Variants in DAPK2 observed in about 807,000 individuals in gnomAD.
DAPK2 encodes the protein death associated protein kinase 2.
Under a neutral mutation model 44.1 loss-of-function variants are expected in DAPK2, and 35 were observed. That is an observed-to-expected ratio of 0.79 (90% CI 0.61 to 1.05). The LOEUF (loss-of-function observed/expected upper bound fraction) is 1.05, where lower values mean the gene tolerates loss of function less well. Ranked by LOEUF, DAPK2 falls within the 50% of genes least tolerant of loss-of-function variation. The pLI is 0.00. For missense variants in DAPK2, 453 were observed against 483.2 expected, an observed-to-expected ratio of 0.94 and a Z score of 0.59; for synonymous variants, 174 against 182.6, an observed-to-expected ratio of 0.95 and a Z score of 0.38.
intron 1 of DAPK2, among the ~76,000 whole-genome samples, chr15:63,993,780 A>G (rs1414786000): frequency 1.3e-5 from 2 of 152,062 alleles, no homozygotes; most frequent in East Asian, 3.9e-4. Context: ...GAAGGATTGG[A>G]CCAAGATATC....
Position 64,040,234 on chromosome 15 carries a change from T to C in DAPK2, c.28A>G (p.Asn10Asp), listed in dbSNP as rs753893356. ...TTCTGCTGCTTGAATGGCTCCATGT[T>C]TGGACTCCTCATTGAGGCCTGGAAC... The change falls in exon 1 of 11, where the codon AAC (asparagine) becomes GAC (aspartate). Residue 10 changes from asparagine to aspartate, a missense_variant. Asn to Asp is a conservative substitution (Grantham distance 23). Coordinates refer to ENST00000261891, the Ensembl canonical transcript of DAPK2. 4 of 1,614,034 alleles carry C rather than the reference T, an allele frequency of 2.5e-6. No individual in the cohort carries two copies. In the South Asian group the frequency reaches 4.4e-5, roughly 18 times the overall value.
chr15:63,930,162 C>G (rs1400999074), intron 5 of DAPK2, among the ~76,000 whole-genome samples: 1 of 152,222 alleles, frequency 6.6e-6, no homozygotes, highest in Non-Finnish European at 1.5e-5. Context: ...TGCCTCTCCT[C>G]TTGCTCCTCC....
chr15:63,964,925 C>G (rs1184429880), intron 3 of DAPK2, among the ~76,000 whole-genome samples: 2 of 152,154 alleles, frequency 1.3e-5, no homozygotes, highest in Non-Finnish European at 2.9e-5. Context: ...TCACATGTCT[C>G]TGTCTCTCCA....
intron 1 of DAPK2, among the ~76,000 whole-genome samples, chr15:64,034,819 G>C (rs893546937): frequency 1.2e-4 from 18 of 152,170 alleles, no homozygotes; most frequent in Admixed American, 1.0e-3. Flanking sequence ...TTAAATTTTT[G>C]TTGAAATCCA....
At position 63,987,289 on chromosome 15, in the gene DAPK2, G is replaced by C. The variant is rs185708031; in HGVS notation, c.93-3535C>G. 1.6e-3 allele frequency among the ~76,000 whole-genome samples: 250 copies of C among 152,298 alleles called. 1 individual carries two copies. The highest frequency in any genetic ancestry group is 5.9e-3 in the African/African-American group (244 of 41,548). ...CTGCACACAGAAGGCTCTGCAGCCA[G>C]AAGTTGAGGTCCCACAGTGCAGAAG... On this transcript the variant is annotated intron_variant, in intron 1 of 10. Transcript: ENST00000261891.
chr15:63,929,932 C>A, intron 5 of DAPK2: 1 of 458,518 alleles, frequency 2.2e-6, no homozygotes, highest in Admixed American at 2.9e-5. Context: ...TTTAGAAAAC[C>A]AGGTAACAAA....
intron 3 of DAPK2, among the ~76,000 whole-genome samples, chr15:63,945,453 TA>T (rs1220646744): frequency 6.6e-6 from 1 of 152,072 alleles, no homozygotes; most frequent in African/African-American, 2.4e-5. Context: ...GCACCACCAC[TA>T]GGGGCTCCAG....
rs1346718262 is a variant in DAPK2 at position 63,916,837 on chromosome 15, G to A, written c.859-4640C>T. On this transcript the variant is annotated intron_variant, in intron 8 of 10. Transcript: ENST00000261891. The surrounding 1 kb of genome is among the most constrained non-coding windows in gnomAD (Gnocchi z 4.7). ...TTTCTGAGCAATTTTTTGTCCCCAG[G>A]AAAAGCTTCAAAGGTTCTTCCTTTT... is the stretch of plus-strand genomic sequence containing the variant. 6.6e-6 allele frequency: 1 copy of A among 152,214 alleles called. No individual in the cohort carries two copies. Among genetic ancestry groups the A allele is most frequent in the Non-Finnish European group, 1.5e-5 (1 of 68,030 alleles). 9.4% of individuals were successfully genotyped at this position (152,214 alleles called of 1,614,324 possible). A position where few individuals can be genotyped will look rare whatever the true frequency, so the allele number is the denominator to read the frequency against.
Position 63,981,483 on chromosome 15 carries a change from A to C in DAPK2, c.314+2050T>G, listed in dbSNP as rs2078511006. Among the ~76,000 whole-genome samples, 5 of 152,224 alleles carry C rather than the reference A, an allele frequency of 3.3e-5. No individual in the cohort carries two copies. The South Asian group carries it at 1.0e-3, about 31-fold the overall frequency. On this transcript the variant is annotated intron_variant, in intron 2 of 10. Transcript: ENST00000261891. Reference sequence around the variant, plus strand: ...TGAAACATATAGTCAGTTAAAAGAGAAAAGCCAATTTTTAGAATTATGTTA... The same window carrying C: ...TGAAACATATAGTCAGTTAAAAGAGCAAAGCCAATTTTTAGAATTATGTTA...
In DAPK2 at chr15:63,912,152, T is replaced by G. The variant is rs1273954258; in HGVS notation, c.904A>C (p.Asn302His). The change falls in exon 9 of 11, where the codon AAT (asparagine) becomes CAT (histidine). Residue 302 changes from asparagine to histidine, a missense_variant. By Grantham distance (68) the Asn-to-His change is moderately conservative (BLOSUM62 1). Coordinates refer to ENST00000261891, the Ensembl canonical transcript of DAPK2. The surrounding 1 kb of genome is among the most constrained non-coding windows in gnomAD (Gnocchi z 4.4). ...TACTGCTTCCTGAAGTTCTCCAGAT[T>G]GACCACAGACTCCCTGCGCACCATG... 6.2e-7 allele frequency: 1 copy of G among 1,613,926 alleles called. No homozygotes were observed. Among genetic ancestry groups the G allele is most frequent in the Non-Finnish European group, 8.5e-7 (1 of 1,180,010 alleles).
Position 63,990,622 on chromosome 15 carries a change from T to C in DAPK2, c.93-6868A>G, listed in dbSNP as rs969864877. 3.9e-5 allele frequency among the ~76,000 whole-genome samples: 6 copies of C among 152,214 alleles called. No homozygotes were observed. The highest frequency in any genetic ancestry group is 1.4e-4 in the African/African-American group (6 of 41,530). On this transcript the variant is annotated intron_variant, in intron 1 of 10. Coordinates refer to ENST00000261891, the Ensembl canonical transcript of DAPK2. The surrounding 1 kb of genome is among the most constrained non-coding windows in gnomAD (Gnocchi z 4.3). ...GCCACCAGAGGTGAGAGGTACCAAA[T>C]GGGAAGTGTTCCAAAGCAGAGGGTC...
Position 63,949,031 on chromosome 15 carries a change from C to T in DAPK2, c.454-9670G>A, listed in dbSNP as rs114967530. Among the ~76,000 whole-genome samples, 1,034 of 152,292 alleles carry T rather than the reference C, an allele frequency of 6.8e-3. 12 individuals carry two copies. Among genetic ancestry groups the T allele is most frequent in the African/African-American group, 0.023 (975 of 41,562 alleles). On this transcript the variant is annotated intron_variant, in intron 3 of 10. Transcript: ENST00000261891. ...CCTCCCCTCCTCTAGCTGATGCCGG[C>T]GTGCCTTCTGAAATCACCCTTGCCT...
At chr15:63,999,750 CT>C (rs1233836182) in intron 1 of DAPK2, among the ~76,000 whole-genome samples, 2 of 151,812 alleles carry the variant, frequency 1.3e-5, no homozygotes, top group Admixed American at 6.6e-5. Context: ...TTTAAGAATG[CT>C]TTTTTCCCTG....
chr15:63,938,995 C>G (rs1439569986), intron 4 of DAPK2, among the ~76,000 whole-genome samples: 1 of 152,186 alleles, frequency 6.6e-6, no homozygotes, highest in Non-Finnish European at 1.5e-5. Context: ...TGTAGCCCCA[C>G]TGAGAGCCAC....
At chr15:63,978,625 C>T (rs1054092426) in intron 2 of DAPK2, among the ~76,000 whole-genome samples, 4 of 152,170 alleles carry the variant, frequency 2.6e-5, no homozygotes, top group Non-Finnish European at 5.9e-5. Context: ...CAGGCTGGGA[C>T]ATTCACATTA....
chr15:63,985,309 A>C (rs182557094), intron 1 of DAPK2, among the ~76,000 whole-genome samples: 23 of 152,372 alleles, frequency 1.5e-4, no homozygotes, highest in Middle Eastern at 3.4e-3. Context: ...GGGCTGACGC[A>C]GGTGGAGTGG....
chr15:63,987,058 C>A (rs1452921089), intron 1 of DAPK2, among the ~76,000 whole-genome samples: 1 of 152,180 alleles, frequency 6.6e-6, no homozygotes, highest in Non-Finnish European at 1.5e-5. Flanking sequence ...AGGGGTTCAC[C>A]AGTCTAACTG....
At chr15:63,961,358 G>T (rs2140636315) in intron 3 of DAPK2, among the ~76,000 whole-genome samples, 1 of 152,244 alleles carries the variant, frequency 6.6e-6, no homozygotes, top group Admixed American at 6.5e-5. Context: ...GGTTAATATT[G>T]TTATGTGTGA....
At chr15:63,998,653 C>A (rs973248997) in intron 1 of DAPK2, among the ~76,000 whole-genome samples, 9 of 152,200 alleles carry the variant, frequency 5.9e-5, no homozygotes, top group South Asian at 2.1e-4. Context: ...GCAGGAGCAG[C>A]TGAGGTTGCC....
Sources: allele counts gnomAD v4.1 joint callset (sites outside exome capture counted in the v4.1 genomes callset), GRCh38; gene constraint gnomAD v4.1.1; non-coding constraint Gnocchi (gnomAD v3.1); transcripts MANE v1.5; gene names NCBI Gene and HGNC (gene_info 2026-07-23, HGNC 2026-07-21).